Variants in CCDC171 observed in about 807,000 individuals in gnomAD.
CCDC171 encodes the protein coiled-coil domain-containing protein 171.
Under a neutral mutation model 168.2 loss-of-function variants are expected in CCDC171, and 177 were observed. The ratio of observed to expected loss-of-function variants is 1.05; its 90% CI spans 0.93 to 1.19. The LOEUF is 1.19. Among genes scored for constraint, CCDC171 ranks in the 50% most tolerant of loss-of-function variants. The pLI is 0.00. For synonymous variants in CCDC171, 687 were observed against 540.8 expected, an observed-to-expected ratio of 1.27 and a Z score of -3.75; for missense variants, 1,991 against 1,539.0, an observed-to-expected ratio of 1.29 and a Z score of -4.91.
chr9:15,744,137 T>G (rs2055087888), intron 16 of CCDC171, 136 bp from the exon 17 acceptor site: 6 of 673,270 alleles, frequency 8.9e-6, no homozygotes, highest in East Asian at 8.3e-5. Context: ...ATTTATATTT[T>G]GGATATTTTA....
chr9:15,793,199 A>G (rs1411605921), intron 21 of CCDC171, among the ~76,000 whole-genome samples: 1 of 151,830 alleles, frequency 6.6e-6, no homozygotes, highest in East Asian at 1.9e-4. Context: ...ACAGACTTTA[A>G]ACCAACAAAG....
At chr9:15,635,608 C>T (rs2046141216) in intron 7 of CCDC171, among the ~76,000 whole-genome samples, 1 of 152,154 alleles carries the variant, frequency 6.6e-6, no homozygotes, top group South Asian at 2.1e-4. Flanking sequence ...TGCACTGACT[C>T]AAATGTTAAT....
chr9:16,097,105 C>T, the CCDC171 span, among the ~76,000 whole-genome samples: 1 of 152,078 alleles, frequency 6.6e-6, no homozygotes, highest in Non-Finnish European at 1.5e-5. Flanking sequence ...ACCCACTGAG[C>T]GAATAGGGGG....
chr9:16,053,806 G>A (rs952437620), intron 1 of CCDC171, among the ~76,000 whole-genome samples: 48 of 152,242 alleles, frequency 3.2e-4, no homozygotes, highest in Non-Finnish European at 1.5e-5. Context: ...AGAGTGATGG[G>A]TTTTAAAGCA....
chr9:15,636,271 A>ACT (rs1330697895), intron 7 of CCDC171, among the ~76,000 whole-genome samples: 1 of 152,150 alleles, frequency 6.6e-6, no homozygotes, highest in Non-Finnish European at 1.5e-5. Context: ...ACTTCCTCAT[A>ACT]CTCTAACCAC....
intron 21 of CCDC171, among the ~76,000 whole-genome samples, chr9:15,828,906 G>A (rs2153726): frequency 2.6e-5 from 4 of 151,920 alleles, no homozygotes; most frequent in Non-Finnish European, 4.4e-5. Context: ...CATAAGTGAG[G>A]TTTCTCCTTC....
Position 15,777,701 on chromosome 9 carries a change from C to G in CCDC171, c.2773C>G (p.Leu925Val). ...TAGTCTGGTAATGGAATGTATACCT[C>G]TGCACAGTAGCAGGAGTATTACATA... ...KISLVMECIP[L>V]HSSRSITYVE... is the part of the protein sequence containing the mutation. The change falls in exon 19 of 26, where the codon CTG (leucine) becomes GTG (valine). Residue 925 changes from leucine to valine, a missense_variant. Coordinates refer to ENST00000380701, the MANE Select transcript of CCDC171 (RefSeq NM_173550.4). The G allele has an allele frequency of 6.2e-7, 1 of 1,613,874 alleles. No homozygotes were observed. The highest frequency in any genetic ancestry group is 2.2e-5 in the East Asian group (1 of 44,868).
intron 21 of CCDC171, among the ~76,000 whole-genome samples, chr9:15,793,001 A>G (rs1261681672): frequency 6.6e-6 from 1 of 152,222 alleles, no homozygotes; most frequent in African/African-American, 2.4e-5. Context: ...AATGGGCTAA[A>G]TGCTCCAATT....
chr9:15,603,394 C>T (rs1160979904), intron 6 of CCDC171, among the ~76,000 whole-genome samples: 5 of 152,146 alleles, frequency 3.3e-5, no homozygotes, highest in Non-Finnish European at 7.4e-5. Context: ...TTTTCTAATG[C>T]TCTCCCTCCC....
chr9:15,744,665 C>G lies in CCDC171; in HGVS notation c.2442C>G (p.Leu814=), dbSNP rs150257272. 144 of 1,614,142 alleles carry G rather than the reference C, an allele frequency of 8.9e-5. 2 individuals carry two copies. In the African/African-American group the frequency reaches 1.7e-3, roughly 19 times the overall value. The part of the protein sequence containing the change: ...GVIAVLAANR[L]KILGQSCASL... ...TTGCTGTTTTGGCAGCAAACAGACT[C>G]AAGATTTTGGGCCAATCATGTGCCT... is the stretch of plus-strand genomic sequence containing the variant. Residue 814 remains leucine (L), a synonymous_variant, in exon 17 of 26, where the codon CTC becomes CTG. Transcript: ENST00000380701.
intron 3 of CCDC171, among the ~76,000 whole-genome samples, chr9:16,000,732 T>C (rs530359606): frequency 5.3e-5 from 8 of 152,110 alleles, no homozygotes; most frequent in Admixed American, 1.3e-4. Context: ...AAGAGACTTT[T>C]TTTTTTTGCT....
intron 21 of CCDC171, among the ~76,000 whole-genome samples, chr9:15,820,755 G>A (rs1156639786): frequency 8.5e-6 from 1 of 117,162 alleles, no homozygotes; most frequent in Non-Finnish European, 1.9e-5. Flanking sequence ...TTCTACCAGA[G>A]GTACAGGAGG....
chr9:16,096,232 A>G, the CCDC171 span, among the ~76,000 whole-genome samples: 2 of 152,180 alleles, frequency 1.3e-5, no homozygotes, highest in East Asian at 1.9e-4. Flanking sequence ...TATGCTTAAA[A>G]TAACTCCATA....
chr9:15,897,869 A>G (rs1821112901), intron 24 of CCDC171, among the ~76,000 whole-genome samples: 1 of 152,198 alleles, frequency 6.6e-6, no homozygotes, highest in Admixed American at 6.6e-5. Context: ...CTTGGAACAC[A>G]TTGAGTGAAC....
downstream of CCDC171, among the ~76,000 whole-genome samples, chr9:16,066,427 T>A (rs1833990901): frequency 6.6e-6 from 1 of 151,988 alleles, no homozygotes; most frequent in Non-Finnish European, 1.5e-5. Context: ...AACCGTGAAG[T>A]CACGTGCTGT....
intron 1 of CCDC171, among the ~76,000 whole-genome samples, chr9:15,557,537 C>T (rs1172985847): frequency 6.6e-6 from 1 of 151,266 alleles, no homozygotes; most frequent in Non-Finnish European, 1.5e-5. Context: ...ATTTGGCTTT[C>T]TGTCTGTTAT....
intron 25 of CCDC171, among the ~76,000 whole-genome samples, chr9:15,963,719 C>G (rs1413200320): frequency 2.0e-5 from 3 of 152,136 alleles, no homozygotes; most frequent in Non-Finnish European, 4.4e-5. Context: ...ATACTACTCT[C>G]TCCCCCAATC....
intron 7 of CCDC171, among the ~76,000 whole-genome samples, chr9:15,628,912 G>C (rs2045422794): frequency 6.6e-6 from 1 of 152,214 alleles, no homozygotes; most frequent in South Asian, 2.1e-4. Flanking sequence ...CTGGTACCCA[G>C]GCAAACAGAG....
the CCDC171 span, among the ~76,000 whole-genome samples, chr9:16,103,392 C>G: frequency 1.3e-5 from 2 of 152,296 alleles, no homozygotes; most frequent in African/African-American, 4.8e-5. Flanking sequence ...ACTTTCTGTG[C>G]TTTCCTCTCA....
Sources: gnomAD v4.1 joint callset for allele counts (sites outside exome capture counted in the v4.1 genomes callset) on GRCh38, gnomAD v4.1.1 for gene constraint, MANE v1.5 for transcripts, NCBI Gene and HGNC (gene_info 2026-07-23, HGNC 2026-07-21) for gene names.